Variants in NFIC observed in about 807,000 individuals in gnomAD.
NFIC encodes the protein nuclear factor 1 C-type.
In NFIC, 12 loss-of-function variants were observed where a neutral mutation model predicts 54.4. That is an observed-to-expected ratio of 0.22 (90% confidence interval 0.14 to 0.36). NFIC has a LOEUF of 0.36. NFIC is among the 10% of genes least tolerant of loss of function. NFIC has a pLI of 1.00. For missense variants in NFIC, 575 were observed against 718.2 expected (o/e 0.80, Z 2.28); for synonymous variants, 322 against 319.2 (o/e 1.01, Z -0.09).
intron 1 of NFIC, among the ~76,000 whole-genome samples, chr19:3,371,988 CCTCTCTCTCCCTCTCT>C (rs1568400257): frequency 2.9e-4 from 8 of 27,408 alleles, no homozygotes; most frequent in Non-Finnish European, 3.9e-4. Flanking sequence ...TCTCTCTCTC[CCTCTCTCTCCCTCTCT>C]CTCTCTCTCT....
intron 2 of NFIC, among the ~76,000 whole-genome samples, chr19:3,410,044 CT>C (rs34960163): frequency 0.93 from 140,021 of 150,094 alleles, 65,316 homozygotes; most frequent in East Asian, 0.97. Flanking sequence ...TGCGTCTCTA[CT>C]TTTTTTTTTT....
chr19:3,448,061 C>T (rs2082399446), intron 6 of NFIC, among the ~76,000 whole-genome samples: 1 of 151,622 alleles, frequency 6.6e-6, no homozygotes, highest in Non-Finnish European at 1.5e-5. Flanking sequence ...TGAGCCCCTG[C>T]ACCCGACTAT....
At chr19:3,430,661 A>G (rs912675051) in intron 3 of NFIC, among the ~76,000 whole-genome samples, 1 of 151,946 alleles carries the variant, frequency 6.6e-6, no homozygotes, top group South Asian at 2.1e-4. Context: ...CATTTCAGTG[A>G]AATGGCTCAT....
chr19:3,436,107 C>G (rs1008034146), intron 6 of NFIC, among the ~76,000 whole-genome samples: 1 of 151,122 alleles, frequency 6.6e-6, no homozygotes, highest in Non-Finnish European at 1.5e-5. Flanking sequence ...GGATTACAGG[C>G]GTGAGCCACC....
Position 3,381,963 on chromosome 19 carries a change from G to A in NFIC, c.282G>A (p.Leu94=). 6.2e-7 allele frequency: 1 copy of A among 1,613,530 alleles called. No homozygotes were observed. The highest frequency in any genetic ancestry group is 8.5e-7 in the Non-Finnish European group (1 of 1,179,918). The part of the protein sequence containing the change: ...IRPECREDFV[L]SITGKKAPGC... Reference sequence around the variant, plus strand: ...CCGAGTGCCGCGAGGACTTCGTGCTGAGCATCACCGGCAAGAAGGCGCCGG... The same window carrying A: ...CCGAGTGCCGCGAGGACTTCGTGCTAAGCATCACCGGCAAGAAGGCGCCGG... The change falls in exon 2 of 11, where the codon CTG becomes CTA. Residue 94 remains leucine (L), a synonymous_variant. Coordinates refer to ENST00000443272, the MANE Select transcript of NFIC (RefSeq NM_001245002.2).
At position 3,461,111 on chromosome 19, in the gene NFIC, C is replaced by T. The variant is rs529320355; in HGVS notation, c.1510-1641C>T. ...CTGCACTCCAGCCTGGTGACAAGAG[C>T]GTGACGCTGTCTCAAAAAATCAACA... is the stretch of plus-strand genomic sequence containing the variant. On this transcript the variant is annotated intron_variant, in intron 10 of 10. Coordinates refer to ENST00000443272, the MANE Select transcript of NFIC (RefSeq NM_001245002.2). Among the ~76,000 whole-genome samples, 142 of 151,836 alleles carry T rather than the reference C, an allele frequency of 9.4e-4. 1 individual carries two copies. The highest frequency in any genetic ancestry group is 1.6e-3 in the Non-Finnish European group (107 of 67,950).
At chr19:3,392,562 G>A (rs1429131697) in intron 2 of NFIC, among the ~76,000 whole-genome samples, 1 of 152,202 alleles carries the variant, frequency 6.6e-6, no homozygotes, top group South Asian at 2.1e-4. Context: ...TCATTCACCC[G>A]GGTGGGGCCC....
intron 1 of NFIC, among the ~76,000 whole-genome samples, chr19:3,380,225 C>A (rs970695401): frequency 2.0e-5 from 3 of 147,090 alleles, no homozygotes; most frequent in African/African-American, 7.5e-5. Flanking sequence ...AGGATGGTCT[C>A]AATCTCCTGA....
rs1365105436 is a variant in NFIC, at chr19:3,464,269, G to C, written c.*1500G>C. 3.0e-6 allele frequency: 3 copies of C among 985,280 alleles called. No individual in the cohort carries two copies. In the African/African-American group the frequency reaches 5.2e-5, roughly 17 times the overall value. The allele number at this position is 985,280 out of a possible 1,614,324, so 61.0% of individuals were successfully genotyped here. A position where few individuals can be genotyped will look rare whatever the true frequency, so the allele number is the denominator to read the frequency against. On this transcript the variant is annotated 3_prime_UTR_variant, in exon 11 of 11. Coordinates refer to ENST00000443272, the MANE Select transcript of NFIC (RefSeq NM_001245002.2). ...GCCAGCGGTCCCCGCTCGGAACGGG[G>C]AGGGTTTTCGGGGGGTTCGGCGTCG...
intron 1 of NFIC, among the ~76,000 whole-genome samples, chr19:3,360,174 G>A (rs1229707273): frequency 2.1e-5 from 3 of 146,034 alleles, no homozygotes; most frequent in Admixed American, 2.0e-4. Context: ...CGAGCGCGGC[G>A]CGCCAGCTAG....
At chr19:3,392,536 G>A (rs769634834) in intron 2 of NFIC, among the ~76,000 whole-genome samples, 15 of 152,224 alleles carry the variant, frequency 9.9e-5, no homozygotes, top group Non-Finnish European at 1.8e-4. Context: ...TCCCGAGACA[G>A]CCCCTGAGGG....
At chr19:3,403,205 G>A (rs2081584572) in intron 2 of NFIC, among the ~76,000 whole-genome samples, 2 of 152,196 alleles carry the variant, frequency 1.3e-5, no homozygotes, top group South Asian at 2.1e-4. Flanking sequence ...TCTGGGGAGA[G>A]AGGCCACATG....
rs539916342 is a variant in NFIC at position 3,439,333 on chromosome 19, CAAAAAAAAAAAAAAAAAAAAAAAAAAA to C, written c.958+4142_958+4168del. Among the ~76,000 whole-genome samples, 10 of 23,296 alleles carry C rather than the reference CAAAAAAAAAAAAAAAAAAAAAAAAAAA, an allele frequency of 4.3e-4. No individual in the cohort carries two copies. In the East Asian group the frequency reaches 4.5e-3, roughly 10 times the overall value. The allele number at this position is 23,296 out of a possible 152,430, so 15.3% of individuals were successfully genotyped here. On this transcript the variant is annotated intron_variant, in intron 6 of 10. Coordinates refer to ENST00000443272, the MANE Select transcript of NFIC (RefSeq NM_001245002.2). ...GGGGCAACAGAGAAAGACCCTGTCT[CAAAAAAAAAAAAAAAAAAAAAAAAAAA>C]AAAAAAAAAAAAAAAGGCTCACCTG... is the stretch of plus-strand genomic sequence containing the variant.
chr19:3,368,038 A>G (rs762211417), intron 1 of NFIC, among the ~76,000 whole-genome samples: 3 of 150,842 alleles, frequency 2.0e-5, no homozygotes, highest in Non-Finnish European at 4.4e-5. Flanking sequence ...TCCCTGTCCC[A>G]GCCTCAGTTT....
chr19:3,467,897 T>G lies in NFIC; in HGVS notation c.*5128T>G, dbSNP rs1298263941. The G allele has an allele frequency of 6.6e-6, 1 of 151,278 alleles. No homozygotes were observed. The highest frequency in any genetic ancestry group is 2.4e-5 in the African/African-American group (1 of 41,024). 9.4% of individuals were successfully genotyped at this position (151,278 alleles called of 1,614,324 possible). ...ATTTTACTTTCTCTTTGGAGGGCGC[T>G]GGGACATACATCTCTCAATCCAGCT... On this transcript the variant is annotated 3_prime_UTR_variant, in exon 11 of 11. Transcript: ENST00000443272.
At chr19:3,462,662 A>C in intron 10 of NFIC, 90 bp from the exon 11 acceptor site, 1 of 1,431,948 alleles carries the variant, frequency 7.0e-7, no homozygotes, top group Non-Finnish European at 9.8e-7. Context: ...GAGCGTGGGA[A>C]GAGGTAAACC....
intron 1 of NFIC, among the ~76,000 whole-genome samples, chr19:3,378,346 T>C (rs1450733708): frequency 1.3e-5 from 2 of 149,942 alleles, no homozygotes; most frequent in African/African-American, 2.4e-5. Flanking sequence ...TCCACCCACC[T>C]CAGCCTCCCA....
At chr19:3,387,909 A>G (rs571982678) in intron 2 of NFIC, among the ~76,000 whole-genome samples, 49 of 152,114 alleles carry the variant, frequency 3.2e-4, no homozygotes, top group African/African-American at 1.1e-3. Flanking sequence ...CTGCCCGCCC[A>G]GGGCCTAAAC....
chr19:3,382,497 A>T (rs898670223), intron 2 of NFIC, among the ~76,000 whole-genome samples: 6 of 149,672 alleles, frequency 4.0e-5, no homozygotes, highest in Non-Finnish European at 7.4e-5. Context: ...TATGTAAAGT[A>T]GGTGATATGG....
Sources: allele counts gnomAD v4.1 joint callset (sites outside exome capture counted in the v4.1 genomes callset), GRCh38; gene constraint gnomAD v4.1.1; transcripts MANE v1.5; gene names NCBI Gene and HGNC (gene_info 2026-07-23, HGNC 2026-07-21).